The following TTC28 variants were observed in gnomAD, a reference collection of about 807,000 sequenced individuals.
The protein encoded by TTC28 is tetratricopeptide repeat domain 28.
A neutral mutation model predicts 198.0 loss-of-function variants in TTC28; 61 were observed. That is an observed-to-expected ratio of 0.31 (90% CI 0.25 to 0.38). The LOEUF (loss-of-function observed/expected upper bound fraction) is 0.38, where lower values mean the gene tolerates loss of function less well. TTC28 is among the 10% of genes least tolerant of loss of function. TTC28 has a pLI of 1.00. For missense variants in TTC28, 2,678 were observed against 3,164.0 expected (o/e 0.85, Z 3.69); for synonymous variants, 1,171 against 1,297.8 (o/e 0.90, Z 2.10).
At chr22:28,090,275 C>G (rs1348697843) in intron 12 of TTC28, among the ~76,000 whole-genome samples, 4 of 151,850 alleles carry the variant, frequency 2.6e-5, no homozygotes, top group African/African-American at 9.7e-5. Context: ...TCTTTTCATA[C>G]CCATATTTTA....
At chr22:28,463,595 G>A (rs1409027155) in intron 2 of TTC28, among the ~76,000 whole-genome samples, 2 of 152,158 alleles carry the variant, frequency 1.3e-5, no homozygotes, top group Non-Finnish European at 2.9e-5. Context: ...AAAAAAGGAT[G>A]AGTCATGTCC....
At position 28,294,389 on chromosome 22, in the gene TTC28, C is replaced by T. The variant is rs78668392; in HGVS notation, c.933+1809G>A. 5.9e-3 allele frequency among the ~76,000 whole-genome samples: 904 copies of T among 152,150 alleles called. 6 individuals carry two copies. Among genetic ancestry groups the T allele is most frequent in the Non-Finnish European group, 8.6e-3 (584 of 68,004 alleles). On this transcript the variant is annotated intron_variant, in intron 5 of 22. Coordinates refer to ENST00000397906, the MANE Select transcript of TTC28 (RefSeq NM_001145418.2). Reference sequence around the variant, plus strand: ...GAGGGAAGGCAGAAAAATTTCATTCCTCCTGTTTAACATCTATAATATAAC... The same window carrying T: ...GAGGGAAGGCAGAAAAATTTCATTCTTCCTGTTTAACATCTATAATATAAC...
intron 6 of TTC28, among the ~76,000 whole-genome samples, chr22:28,143,081 A>T (rs1445608562): frequency 3.3e-5 from 5 of 152,190 alleles, no homozygotes; most frequent in Non-Finnish European, 5.9e-5. Context: ...GAACTGAAGC[A>T]GGTCCCTTTC....
At chr22:28,540,866 G>C (rs986210032) in intron 2 of TTC28, among the ~76,000 whole-genome samples, 3 of 152,090 alleles carry the variant, frequency 2.0e-5, no homozygotes, top group African/African-American at 7.2e-5. Flanking sequence ...CTACACATAA[G>C]TCAATGGACA....
At chr22:28,426,141 G>T (rs1466355955) in intron 2 of TTC28, among the ~76,000 whole-genome samples, 1 of 150,758 alleles carries the variant, frequency 6.6e-6, no homozygotes, top group Non-Finnish European at 1.5e-5. Flanking sequence ...GAATCCAGGA[G>T]GCCGAAGTTG....
At chr22:28,577,179 A>G (rs1172711371) in intron 2 of TTC28, among the ~76,000 whole-genome samples, 11 of 151,920 alleles carry the variant, frequency 7.2e-5, no homozygotes, top group African/African-American at 2.7e-4. Flanking sequence ...TTCCATTTTC[A>G]CATTTGTTTT....
rs1455830399 is a variant in TTC28, at chr22:28,228,569, G to A, written c.934-64970C>T. Among the ~76,000 whole-genome samples, 4 of 151,982 alleles carry A rather than the reference G, an allele frequency of 2.6e-5. No individual in the cohort carries two copies. In the East Asian group the frequency reaches 5.8e-4, roughly 22 times the overall value. ...ACAAAAATTAGCTGGGCGTGGTGGT[G>A]TGCAACTGTAATCCCAGCTACCCAG... On this transcript the variant is annotated intron_variant, in intron 5 of 22. Coordinates refer to ENST00000397906, the MANE Select transcript of TTC28 (RefSeq NM_001145418.2).
In TTC28 at chr22:27,978,162, A is replaced by G. The variant is rs1011774288; in HGVS notation, c.*4059T>C. 6.6e-6 allele frequency: 1 copy of G among 152,158 alleles called. No homozygotes were observed. Among genetic ancestry groups the G allele is most frequent in the Non-Finnish European group, 1.5e-5 (1 of 68,032 alleles). The allele number at this position is 152,158 out of a possible 1,614,324, so 9.4% of individuals were successfully genotyped here. Reference sequence around the variant, plus strand: ...AAGTTTAATGTCTGGAAATGGTGTAATTTACAAAAAAAGTCCACGTAGGCC... The same window carrying G: ...AAGTTTAATGTCTGGAAATGGTGTAGTTTACAAAAAAAGTCCACGTAGGCC... On this transcript the variant is annotated 3_prime_UTR_variant, in exon 23 of 23. Coordinates refer to ENST00000397906, the MANE Select transcript of TTC28 (RefSeq NM_001145418.2).
chr22:28,301,649 G>C (rs1295565021), intron 3 of TTC28, among the ~76,000 whole-genome samples: 1 of 152,182 alleles, frequency 6.6e-6, no homozygotes, highest in Non-Finnish European at 1.5e-5. Flanking sequence ...GAAATGGTGT[G>C]TCACTTTTAT....
At chr22:28,122,339 C>G (rs1442899025) in intron 6 of TTC28, among the ~76,000 whole-genome samples, 1 of 152,146 alleles carries the variant, frequency 6.6e-6, no homozygotes, top group East Asian at 1.9e-4. Flanking sequence ...AACCTCTGAA[C>G]CAATGTCAGG....
At chr22:28,135,880 C>G (rs987221608) in intron 6 of TTC28, among the ~76,000 whole-genome samples, 5 of 152,016 alleles carry the variant, frequency 3.3e-5, no homozygotes, top group Admixed American at 6.6e-5. Flanking sequence ...ACAAAAATAT[C>G]CAAAATTAAT....
rs1402981473 is a variant in TTC28, at chr22:28,553,230, G to A, written c.381+76322C>T. Among the ~76,000 whole-genome samples, 5 of 151,296 alleles carry A rather than the reference G, an allele frequency of 3.3e-5. No homozygotes were observed. In the East Asian group the frequency reaches 5.9e-4, roughly 18 times the overall value. ...CCACCCCGTCTGGGAAGTGAGGAGCGTCTCTGCCTGGCCGCCCATCGTCTG... is the reference window on the plus strand; with the variant it reads ...CCACCCCGTCTGGGAAGTGAGGAGCATCTCTGCCTGGCCGCCCATCGTCTG... On this transcript the variant is annotated intron_variant, in intron 2 of 22. Coordinates refer to ENST00000397906, the MANE Select transcript of TTC28 (RefSeq NM_001145418.2).
At chr22:28,562,503 G>T (rs1377047041) in intron 2 of TTC28, among the ~76,000 whole-genome samples, 3 of 151,976 alleles carry the variant, frequency 2.0e-5, no homozygotes, top group African/African-American at 7.3e-5. Flanking sequence ...CCACTGCCAG[G>T]GTGAAGAACC....
At chr22:28,044,539 G>C (rs1283094069) in intron 12 of TTC28, among the ~76,000 whole-genome samples, 3 of 151,924 alleles carry the variant, frequency 2.0e-5, no homozygotes, top group Non-Finnish European at 4.4e-5. Context: ...TGCCATGTTG[G>C]TGTGCTGCAC....
At chr22:28,586,778 T>C (rs979440744) in intron 2 of TTC28, among the ~76,000 whole-genome samples, 1 of 152,228 alleles carries the variant, frequency 6.6e-6, no homozygotes, top group Non-Finnish European at 1.5e-5. Context: ...AAAGCATATA[T>C]AGAAAGTGCT....
chr22:28,387,102 T>A lies in TTC28; in HGVS notation c.382-80459A>T, dbSNP rs1410296031. 2.0e-5 allele frequency among the ~76,000 whole-genome samples: 3 copies of A among 152,298 alleles called. No individual in the cohort carries two copies. The East Asian group carries it at 5.8e-4, about 29-fold the overall frequency. ...AGTGAGAATATGCGGTGTTTGGTTT[T>A]TTGTTCTTGCGATAGTTTGCTGAGA... is the stretch of plus-strand genomic sequence containing the variant. On this transcript the variant is annotated intron_variant, in intron 2 of 22. Transcript: ENST00000397906.
intron 12 of TTC28, among the ~76,000 whole-genome samples, chr22:28,058,557 T>A (rs185013787): frequency 6.6e-6 from 1 of 152,258 alleles, no homozygotes; most frequent in East Asian, 1.9e-4. Context: ...CCTATATGCA[T>A]GAGTAATTTG....
intron 13 of TTC28, among the ~76,000 whole-genome samples, chr22:28,028,295 G>C (rs1308424410): frequency 6.6e-6 from 1 of 152,210 alleles, no homozygotes; most frequent in African/African-American, 2.4e-5. Flanking sequence ...ACAATACTCA[G>C]CCTGGCTGGG....
At chr22:28,051,106 G>C (rs1940069382) in intron 12 of TTC28, among the ~76,000 whole-genome samples, 2 of 152,150 alleles carry the variant, frequency 1.3e-5, no homozygotes, top group South Asian at 4.2e-4. Context: ...CGGGGGTAGG[G>C]AAGTTATTTT....
Sources: gnomAD v4.1 joint callset for allele counts (sites outside exome capture counted in the v4.1 genomes callset) on GRCh38, gnomAD v4.1.1 for gene constraint, MANE v1.5 for transcripts, NCBI Gene and HGNC (gene_info 2026-07-23, HGNC 2026-07-21) for gene names.